Variants in ABCC9 observed in about 807,000 individuals in gnomAD.
The protein encoded by ABCC9 is ATP-binding cassette sub-family C member 9.
Under a neutral mutation model 188.3 loss-of-function variants are expected in ABCC9, and 95 were observed. The ratio of observed to expected loss-of-function variants is 0.50; its 90% CI spans 0.43 to 0.60. ABCC9 has a LOEUF of 0.60. Ranked by LOEUF, ABCC9 falls within the 20% of genes least tolerant of loss-of-function variation. ABCC9 has a pLI of 0.00. For missense variants in ABCC9, 1,102 were observed against 1,876.3 expected (o/e 0.59, Z 7.62); for synonymous variants, 659 against 652.7 (o/e 1.01, Z -0.15).
chr12:21,872,667 AG>A lies in ABCC9; in HGVS notation c.2155del (p.Leu719SerfsTer16). 6.2e-7 allele frequency: 1 copy of A among 1,613,938 alleles called. No individual in the cohort carries two copies. The highest frequency in any genetic ancestry group is 8.5e-7 in the Non-Finnish European group (1 of 1,179,830). ...TCCTTCCAATGTCTGCATCTCACCG[AG>A]GATGGCAAGGAGAAGAGAGGACTTC... ...CGKSSLLLAI[L>X]GEMQTLEGKV... is the part of the protein sequence containing the mutation. On this transcript the variant is annotated frameshift_variant, in exon 18 of 40. Coordinates refer to ENST00000261200, the MANE Select transcript of ABCC9 (RefSeq NM_020297.4). LOFTEE classifies it high-confidence loss of function.
intron 31 of ABCC9, among the ~76,000 whole-genome samples, chr12:21,823,582 T>C (rs902072494): frequency 4.6e-5 from 7 of 152,212 alleles, no homozygotes. Context: ...GACTCTAAAG[T>C]ATTTATTTTT....
chr12:21,929,467 T>C lies in ABCC9; in HGVS notation c.285-3404A>G, dbSNP rs541972493. Reference sequence around the variant, plus strand: ...AAATTACTAGCTTTAAATGCTTCTATTACTAAAAAAAAAATCAAATATTCT... The same window carrying C: ...AAATTACTAGCTTTAAATGCTTCTACTACTAAAAAAAAAATCAAATATTCT... On this transcript the variant is annotated intron_variant, in intron 4 of 39. Coordinates refer to ENST00000261200, the MANE Select transcript of ABCC9 (RefSeq NM_020297.4). Among the ~76,000 whole-genome samples the C allele has an allele frequency of 1.6e-3, 247 of 152,084 alleles. 2 individuals are homozygous for C. Among genetic ancestry groups the C allele is most frequent in the Middle Eastern group, 6.8e-3 (2 of 294 alleles).
In ABCC9 at chr12:21,905,988, G is replaced by A. The variant is rs1285800715; in HGVS notation, c.1618+138C>T. ...TAGCCTCGTGTGGCTGGTGGCTATT[G>A]GACAGCACGTGTTTAGAAAATAAAT... is the stretch of plus-strand genomic sequence containing the variant. On this transcript the variant is annotated intron_variant, in intron 12 of 39. Transcript: ENST00000261200. 4.2e-6 allele frequency: 4 copies of A among 953,908 alleles called. 1 individual carries two copies. The South Asian group carries it at 5.6e-5, about 13-fold the overall frequency. 59.1% of individuals were successfully genotyped at this position (953,908 alleles called of 1,614,324 possible).
At chr12:21,911,923 G>C (rs1948345038) in intron 8 of ABCC9, among the ~76,000 whole-genome samples, 3 of 148,966 alleles carry the variant, frequency 2.0e-5, no homozygotes, top group Admixed American at 6.8e-5. Flanking sequence ...AAGGATCTGG[G>C]CTAAGCATTG....
intron 31 of ABCC9, chr12:21,828,677 T>C: frequency 2.4e-6 from 1 of 416,446 alleles, no homozygotes; most frequent in Admixed American, 3.6e-5. Flanking sequence ...AAAAAAAATT[T>C]GAAGTTATAC....
At position 21,865,401 on chromosome 12, in the gene ABCC9, C is replaced by T. The variant is rs141531396; in HGVS notation, c.2199-924G>A. Among the ~76,000 whole-genome samples, 203 of 152,184 alleles carry T rather than the reference C, an allele frequency of 1.3e-3. 1 individual carries two copies. The highest frequency in any genetic ancestry group is 4.7e-3 in the African/African-American group (197 of 41,542). On this transcript the variant is annotated intron_variant, in intron 18 of 39. Transcript: ENST00000261200. The stretch of plus-strand genomic sequence containing the variant: ...AAAGGCAACCTCAGACTAAAAATTT[C>T]CTCCCAATAATAATTGTTCCCTGAT...
intron 30 of ABCC9, among the ~76,000 whole-genome samples, chr12:21,829,783 A>G (rs1408888992): frequency 6.6e-6 from 1 of 152,180 alleles, no homozygotes. Flanking sequence ...CATTTATTTT[A>G]CTTTTCCAAA....
chr12:21,812,900 C>G (rs569848906), intron 35 of ABCC9, among the ~76,000 whole-genome samples: 1 of 151,978 alleles, frequency 6.6e-6, no homozygotes, highest in Non-Finnish European at 1.5e-5. Context: ...GGTGATTTTT[C>G]TTTCTTATAT....
At chr12:21,890,885 G>A (rs1947126278) in intron 14 of ABCC9, among the ~76,000 whole-genome samples, 1 of 152,034 alleles carries the variant, frequency 6.6e-6, no homozygotes, top group African/African-American at 2.4e-5. Context: ...ACGAGTTAAT[G>A]GGTGCAGCAC....
chr12:21,869,452 A>G (rs1327246866), intron 18 of ABCC9: 1 of 152,176 alleles, frequency 6.6e-6, no homozygotes, highest in African/African-American at 2.4e-5. Flanking sequence ...TCATTTTTTC[A>G]AATTGTACAT....
At chr12:21,839,286 A>G (rs1197409899) in intron 29 of ABCC9, among the ~76,000 whole-genome samples, 2 of 152,240 alleles carry the variant, frequency 1.3e-5, no homozygotes, top group African/African-American at 2.4e-5. Context: ...GGTAAACAAG[A>G]GTCACATATA....
intron 18 of ABCC9, among the ~76,000 whole-genome samples, chr12:21,868,856 T>C (rs1945919575): frequency 6.6e-6 from 1 of 152,228 alleles, no homozygotes; most frequent in Admixed American, 6.5e-5. Flanking sequence ...AGCTTAGCTT[T>C]AATTAATAGT....
intron 28 of ABCC9, among the ~76,000 whole-genome samples, chr12:21,843,817 A>G (rs1055708155): frequency 6.6e-6 from 1 of 152,208 alleles, no homozygotes; most frequent in African/African-American, 2.4e-5. Context: ...AGTCAGCTGC[A>G]TGCATCAACC....
intron 5 of ABCC9, among the ~76,000 whole-genome samples, chr12:21,922,307 TATAATATTTATTGATTTGCAA>T (rs1948853972): frequency 6.6e-6 from 1 of 151,930 alleles, no homozygotes; most frequent in South Asian, 2.1e-4. Flanking sequence ...CTAGGTATTT[TATAATATTTATTGATTTGCAA>T]ATAATATTTA....
At chr12:21,867,666 A>G (rs960802018) in intron 18 of ABCC9, among the ~76,000 whole-genome samples, 5 of 152,164 alleles carry the variant, frequency 3.3e-5, no homozygotes, top group Non-Finnish European at 7.3e-5. Context: ...CCTTCATGCC[A>G]GGAAAGTCAC....
At chr12:21,936,936 T>C (rs1949512643) in intron 2 of ABCC9, among the ~76,000 whole-genome samples, 1 of 152,174 alleles carries the variant, frequency 6.6e-6, no homozygotes, top group South Asian at 2.1e-4. Flanking sequence ...GAAAATGTAT[T>C]ATAATTAATA....
At chr12:21,829,572 T>C (rs1943636525) in intron 30 of ABCC9, among the ~76,000 whole-genome samples, 1 of 152,186 alleles carries the variant, frequency 6.6e-6, no homozygotes, top group Admixed American at 6.5e-5. Flanking sequence ...AGAGATGGTG[T>C]GGTCAGGTGT....
intron 18 of ABCC9, among the ~76,000 whole-genome samples, chr12:21,870,064 C>A (rs1160272474): frequency 6.6e-6 from 1 of 152,056 alleles, no homozygotes; most frequent in African/African-American, 2.4e-5. Flanking sequence ...TCCTTCACCC[C>A]CTCCTGCCTG....
chr12:21,894,800 AG>A, intron 13 of ABCC9, among the ~76,000 whole-genome samples: 1 of 152,228 alleles, frequency 6.6e-6, no homozygotes, highest in East Asian at 1.9e-4. Flanking sequence ...AAATAATACC[AG>A]TTGCCGATTT....
Sources: allele counts gnomAD v4.1 joint callset (sites outside exome capture counted in the v4.1 genomes callset), GRCh38; gene constraint gnomAD v4.1.1; transcripts MANE v1.5; gene names NCBI Gene and HGNC (gene_info 2026-07-23, HGNC 2026-07-21).